Variants in ASIC2 observed in about 807,000 individuals in gnomAD.
The protein encoded by ASIC2 is acid sensing ion channel subunit 2.
Under a neutral mutation model 57.3 loss-of-function variants are expected in ASIC2, and 25 were observed. The observed-to-expected ratio is 0.44, with a 90% confidence interval of 0.32 to 0.61. The LOEUF (loss-of-function observed/expected upper bound fraction) is 0.61, where lower values mean the gene tolerates loss of function less well. ASIC2 is among the 20% of genes least tolerant of loss of function. ASIC2 has a pLI of 0.06. For synonymous variants in ASIC2, 319 were observed against 307.5 expected (o/e 1.04, Z -0.39); for missense variants, 641 against 738.1 (o/e 0.87, Z 1.52).
At chr17:33,862,725 T>A (rs141802861) in intron 1 of ASIC2, among the ~76,000 whole-genome samples, 1 of 152,324 alleles carries the variant, frequency 6.6e-6, no homozygotes, top group Non-Finnish European at 1.5e-5. Context: ...TCCCTCCCCA[T>A]GCACCCATAC....
intron 3 of ASIC2, among the ~76,000 whole-genome samples, chr17:33,054,573 G>T (rs567806983): frequency 6.6e-6 from 1 of 152,266 alleles, no homozygotes; most frequent in South Asian, 2.1e-4. Context: ...CTGTCCTTGG[G>T]GGTGCATGTG....
chr17:34,048,979 T>C (rs6505393), intron 1 of ASIC2, among the ~76,000 whole-genome samples: 19,813 of 152,160 alleles, frequency 0.13, 1,372 homozygotes, highest in South Asian at 0.19. Context: ...TTTGTGATGT[T>C]CTGAGGTAAG....
chr17:33,322,844 T>C (rs1906922979), intron 1 of ASIC2, among the ~76,000 whole-genome samples: 2 of 152,050 alleles, frequency 1.3e-5, no homozygotes, highest in Admixed American at 1.3e-4. Context: ...AGTACTTGAA[T>C]AGCATCATGA....
At chr17:33,838,085 T>C (rs1010144524) in intron 1 of ASIC2, among the ~76,000 whole-genome samples, 1 of 152,220 alleles carries the variant, frequency 6.6e-6, no homozygotes, top group African/African-American at 2.4e-5. Context: ...TAATAAAGAA[T>C]TTGAAGCAGT....
chr17:33,926,941 T>G (rs920819681), intron 1 of ASIC2, among the ~76,000 whole-genome samples: 8 of 152,184 alleles, frequency 5.3e-5, no homozygotes, highest in African/African-American at 1.9e-4. Context: ...GATTTTTTTT[T>G]TTTGAGACAG....
At chr17:33,759,253 G>C (rs1910706159) in intron 1 of ASIC2, among the ~76,000 whole-genome samples, 1 of 152,194 alleles carries the variant, frequency 6.6e-6, no homozygotes, top group East Asian at 1.9e-4. Context: ...CTGTGTCCAT[G>C]CCAGAGGGTG....
At chr17:33,312,228 C>A (rs1402700324) in intron 1 of ASIC2, among the ~76,000 whole-genome samples, 1 of 152,068 alleles carries the variant, frequency 6.6e-6, no homozygotes, top group Non-Finnish European at 1.5e-5. Flanking sequence ...GTGTATAGTG[C>A]CTGGTGTATA....
intron 1 of ASIC2, among the ~76,000 whole-genome samples, chr17:33,284,791 T>C (rs1214611935): frequency 6.6e-6 from 1 of 152,208 alleles, no homozygotes; most frequent in Non-Finnish European, 1.5e-5. Context: ...CACTCATTCA[T>C]GCTGTTAAAA....
intron 1 of ASIC2, among the ~76,000 whole-genome samples, chr17:33,986,207 G>GT (rs1002403351): frequency 2.7e-4 from 40 of 150,890 alleles, no homozygotes; most frequent in Admixed American, 8.0e-4. Context: ...CAGGAATCTG[G>GT]TTTTTTTTCC....
chr17:33,052,804 C>G (rs1479209285), intron 3 of ASIC2: 1 of 152,246 alleles, frequency 6.6e-6, no homozygotes, highest in African/African-American at 2.4e-5. Flanking sequence ...TTCTCACCTT[C>G]TTCCTAGGCT....
At chr17:33,798,630 G>A (rs1003250708) in intron 1 of ASIC2, among the ~76,000 whole-genome samples, 3 of 152,164 alleles carry the variant, frequency 2.0e-5, no homozygotes, top group Non-Finnish European at 4.4e-5. Flanking sequence ...GTTCTGTGCC[G>A]ATGGAGGAAA....
chr17:34,104,715 G>A (rs1050261212), intron 1 of ASIC2, among the ~76,000 whole-genome samples: 2 of 151,988 alleles, frequency 1.3e-5, no homozygotes, highest in African/African-American at 4.8e-5. Flanking sequence ...CATCTATTAA[G>A]ATGATCATAT....
At chr17:34,111,587 A>G (rs1426792724) in intron 1 of ASIC2, among the ~76,000 whole-genome samples, 1 of 152,128 alleles carries the variant, frequency 6.6e-6, no homozygotes, top group Non-Finnish European at 1.5e-5. Context: ...TCTGCAAGTC[A>G]AGCCTTTGAC....
intron 1 of ASIC2, among the ~76,000 whole-genome samples, chr17:33,592,002 G>A (rs902375084): frequency 6.6e-6 from 1 of 152,172 alleles, no homozygotes; most frequent in Non-Finnish European, 1.5e-5. Flanking sequence ...TCAAGGACAA[G>A]AATAAATTGA....
At chr17:33,455,284 C>T (rs895710677) in intron 1 of ASIC2, among the ~76,000 whole-genome samples, 64 of 152,132 alleles carry the variant, frequency 4.2e-4, no homozygotes, top group African/African-American at 1.5e-3. Flanking sequence ...TGTGAATGAT[C>T]CCCTCACCCA....
intron 1 of ASIC2, among the ~76,000 whole-genome samples, chr17:33,766,478 C>G (rs1910939915): frequency 6.6e-6 from 1 of 152,174 alleles, no homozygotes; most frequent in Non-Finnish European, 1.5e-5. Flanking sequence ...TCCATATAAT[C>G]CAGGAACAAT....
intron 1 of ASIC2, among the ~76,000 whole-genome samples, chr17:33,322,079 C>G (rs1293581739): frequency 6.6e-6 from 1 of 152,164 alleles, no homozygotes; most frequent in African/African-American, 2.4e-5. Flanking sequence ...GTGGTGGAAC[C>G]GGTCCAGAAT....
intron 1 of ASIC2, among the ~76,000 whole-genome samples, chr17:34,073,070 G>A (rs1007040443): frequency 2.0e-5 from 3 of 152,104 alleles, no homozygotes; most frequent in South Asian, 2.1e-4. Flanking sequence ...AATGCAACTC[G>A]GTGGGATTCC....
At chr17:33,864,920 T>C (rs1914192546) in intron 1 of ASIC2, among the ~76,000 whole-genome samples, 3 of 151,762 alleles carry the variant, frequency 2.0e-5, no homozygotes, top group Admixed American at 2.0e-4. Context: ...AATGCACTCC[T>C]AGTAAAGGAG....
Sources: allele counts gnomAD v4.1 joint callset (sites outside exome capture counted in the v4.1 genomes callset), GRCh38; gene constraint gnomAD v4.1.1; transcripts MANE v1.5; gene names NCBI Gene and HGNC (gene_info 2026-07-23, HGNC 2026-07-21).